ARMC2: variants seen among roughly 807,000 people sequenced by gnomAD.
ARMC2 encodes the protein armadillo repeat containing 2, also known as armadillo repeat-containing protein 2.
A neutral mutation model predicts 90.3 loss-of-function variants in ARMC2; 67 were observed. That is an observed-to-expected ratio of 0.74 (90% CI 0.61 to 0.91). The LOEUF (loss-of-function observed/expected upper bound fraction) is 0.91. Among genes scored for constraint, ARMC2 ranks in the 40% least tolerant of loss-of-function variants. The pLI is 0.00. For synonymous variants in ARMC2, 393 were observed against 393.0 expected, an observed-to-expected ratio of 1.00 and a Z score of 0.00; for missense variants, 920 against 1,030.9, an observed-to-expected ratio of 0.89 and a Z score of 1.47.
chr6:108,950,070 A>G (rs1187502480), intron 12 of ARMC2, among the ~76,000 whole-genome samples: 1 of 152,038 alleles, frequency 6.6e-6, no homozygotes, highest in Non-Finnish European at 1.5e-5. Flanking sequence ...GCCAAGTTTG[A>G]TGGTGCATGC....
At chr6:108,901,617 A>G (rs894359902) in intron 7 of ARMC2, among the ~76,000 whole-genome samples, 3 of 151,626 alleles carry the variant, frequency 2.0e-5, no homozygotes, top group Non-Finnish European at 4.4e-5. Flanking sequence ...GGATTTTGCT[A>G]TGTTGGCCAG....
intron 12 of ARMC2, among the ~76,000 whole-genome samples, chr6:108,941,671 A>G (rs769350617): frequency 1.1e-4 from 17 of 152,228 alleles, no homozygotes; most frequent in Non-Finnish European, 2.2e-4. Flanking sequence ...AGGTTTGTAT[A>G]TAACCCAGAA....
chr6:108,883,852 C>G (rs978353613), intron 5 of ARMC2, among the ~76,000 whole-genome samples: 1 of 152,056 alleles, frequency 6.6e-6, no homozygotes, highest in Non-Finnish European at 1.5e-5. Context: ...TCCTGCCCTT[C>G]TGTTCTTTCA....
intron 10 of ARMC2, among the ~76,000 whole-genome samples, chr6:108,926,378 T>C (rs1775101259): frequency 6.6e-6 from 1 of 152,198 alleles, no homozygotes; most frequent in African/African-American, 2.4e-5. Flanking sequence ...ATGAGAATTT[T>C]CCATTTTATG....
intron 13 of ARMC2, 64 bp from the exon 14 acceptor site, chr6:108,961,508 T>C: frequency 6.7e-7 from 1 of 1,498,884 alleles, no homozygotes; most frequent in Admixed American, 2.2e-5. Context: ...TTGCTGTAGT[T>C]GCAACGTAGT....
chr6:108,887,394 T>C (rs1026566391), intron 5 of ARMC2, among the ~76,000 whole-genome samples: 1 of 152,134 alleles, frequency 6.6e-6, no homozygotes, highest in African/African-American at 2.4e-5. Flanking sequence ...AGGACCCTCC[T>C]CACTGATTGC....
At chr6:108,884,429 A>G (rs1372765947) in intron 5 of ARMC2, among the ~76,000 whole-genome samples, 1 of 152,242 alleles carries the variant, frequency 6.6e-6, no homozygotes, top group Non-Finnish European at 1.5e-5. Flanking sequence ...GAGGAAAGAA[A>G]GGGGAACTGA....
chr6:109,047,955 T>G, the ARMC2 span, among the ~76,000 whole-genome samples: 8 of 147,036 alleles, frequency 5.4e-5, no homozygotes, highest in African/African-American at 1.7e-4. Flanking sequence ...ACACAAACAC[T>G]GCGGAAGGCC....
chr6:109,037,409 G>A, the ARMC2 span, among the ~76,000 whole-genome samples: 1 of 152,120 alleles, frequency 6.6e-6, no homozygotes, highest in African/African-American at 2.4e-5. Context: ...TCTTTGCAGA[G>A]CAATAATTAA....
At chr6:108,967,870 C>A (rs1436451991) in intron 17 of ARMC2, among the ~76,000 whole-genome samples, 1 of 152,160 alleles carries the variant, frequency 6.6e-6, no homozygotes, top group African/African-American at 2.4e-5. Context: ...TGCCTTTGCA[C>A]ATGTTCTGTT....
At chr6:108,964,569 T>C (rs1778225919) in intron 16 of ARMC2, among the ~76,000 whole-genome samples, 1 of 151,624 alleles carries the variant, frequency 6.6e-6, no homozygotes, top group Admixed American at 6.6e-5. Flanking sequence ...AGGCCAGGAG[T>C]TCGAGAGCAG....
intron 10 of ARMC2, among the ~76,000 whole-genome samples, chr6:108,914,024 A>G (rs1773698556): frequency 6.6e-6 from 1 of 152,210 alleles, no homozygotes; most frequent in South Asian, 2.1e-4. Flanking sequence ...CCATATTGAG[A>G]TATTCACTCT....
chr6:109,034,320 C>T, the ARMC2 span, among the ~76,000 whole-genome samples: 1 of 152,074 alleles, frequency 6.6e-6, no homozygotes, highest in Non-Finnish European at 1.5e-5. Context: ...AATTACTTCT[C>T]TCAATTACAA....
At chr6:109,041,692 A>G in the ARMC2 span, among the ~76,000 whole-genome samples, 1 of 152,184 alleles carries the variant, frequency 6.6e-6, no homozygotes, top group Non-Finnish European at 1.5e-5. Context: ...GAGCTGTAAA[A>G]TATATGAAGG....
the ARMC2 span, among the ~76,000 whole-genome samples, chr6:109,017,987 C>T: frequency 6.6e-6 from 1 of 152,032 alleles, no homozygotes; most frequent in East Asian, 1.9e-4. Context: ...GGCAACATGG[C>T]GAGAACCCTG....
intron 10 of ARMC2, among the ~76,000 whole-genome samples, chr6:108,926,821 C>T (rs767293644): frequency 6.6e-6 from 1 of 151,636 alleles, no homozygotes; most frequent in Non-Finnish European, 1.5e-5. Context: ...TAGTTTGTTT[C>T]ACTTCCAATG....
intron 12 of ARMC2, among the ~76,000 whole-genome samples, chr6:108,945,239 C>T (rs988897487): frequency 9.2e-5 from 14 of 152,040 alleles, no homozygotes; most frequent in Admixed American, 1.3e-4. Flanking sequence ...CCTCAGGAGG[C>T]GCCTCTGACG....
At position 108,854,324 on chromosome 6, in the gene ARMC2, A is replaced by C. The variant is rs763012770; in HGVS notation, c.57A>C (p.Ser19=). ...LGKLDPFYQP[S]VSKQKTSAEI... is the part of the protein sequence containing the mutation. ...AACTGGATCCATTTTATCAACCTTC[A>C]GTGTCCAAGCAGAAGACCAGTGCAG... is the stretch of plus-strand genomic sequence containing the variant. Residue 19 remains serine (S), a synonymous_variant, in exon 2 of 18, where the codon TCA becomes TCC. Transcript: ENST00000392644. The C allele has an allele frequency of 5.5e-5, 89 of 1,612,706 alleles. No homozygotes were observed. The highest frequency in any genetic ancestry group is 5.3e-5 in the Non-Finnish European group (62 of 1,179,628).
At chr6:108,895,482 CA>C (rs58785510) in intron 6 of ARMC2, among the ~76,000 whole-genome samples, 62 of 100,246 alleles carry the variant, frequency 6.2e-4, no homozygotes, top group South Asian at 2.5e-3. Context: ...AGACTCATCT[CA>C]AAAAAAAAAA....
Sources: allele counts gnomAD v4.1 joint callset (sites outside exome capture counted in the v4.1 genomes callset), GRCh38; gene constraint gnomAD v4.1.1; transcripts MANE v1.5; gene names NCBI Gene and HGNC (gene_info 2026-07-23, HGNC 2026-07-21).